The following EIF2B3 variants were observed in gnomAD, a reference collection of about 807,000 sequenced individuals.
EIF2B3 encodes the protein eukaryotic translation initiation factor 2B subunit gamma.
EIF2B3 carries 20 observed loss-of-function variants against 54.1 expected under a neutral mutation model. The ratio of observed to expected loss-of-function variants is 0.37; its 90% CI spans 0.26 to 0.54. EIF2B3 has a LOEUF of 0.54. Among genes scored for constraint, EIF2B3 ranks in the 20% least tolerant of loss-of-function variants. The probability of loss-of-function intolerance (pLI) is 0.86; values close to 1 mark genes in which losing one functional copy is unlikely to be tolerated. For synonymous variants in EIF2B3, 153 were observed against 188.1 expected (o/e 0.81, Z 1.52); for missense variants, 448 against 547.8 (o/e 0.82, Z 1.82).
At chr1:44,914,165 T>C (rs1643573416) in intron 5 of EIF2B3, among the ~76,000 whole-genome samples, 1 of 150,768 alleles carries the variant, frequency 6.6e-6, no homozygotes, top group Non-Finnish European at 1.5e-5. Context: ...TGGGAATTTT[T>C]TTTTTTTTTT....
chr1:44,885,798 G>A (rs372024948), intron 6 of EIF2B3, among the ~76,000 whole-genome samples: 1 of 151,458 alleles, frequency 6.6e-6, no homozygotes, highest in Admixed American at 6.6e-5. Flanking sequence ...GCAATGGCAC[G>A]ATCCTGGCTC....
chr1:44,871,386 T>C (rs1654960602), intron 10 of EIF2B3, among the ~76,000 whole-genome samples: 1 of 152,210 alleles, frequency 6.6e-6, no homozygotes, highest in Non-Finnish European at 1.5e-5. Context: ...GTAGCCCAAA[T>C]AATCTTCCTG....
intron 4 of EIF2B3, among the ~76,000 whole-genome samples, chr1:44,937,867 G>C (rs1472585158): frequency 9.3e-6 from 1 of 107,890 alleles, no homozygotes; most frequent in African/African-American, 3.6e-5. Flanking sequence ...CTGGGCGACA[G>C]AGCGAGACTC....
At chr1:44,910,652 TTTTTTA>T (rs1643495546) in intron 5 of EIF2B3, among the ~76,000 whole-genome samples, 1 of 122,356 alleles carries the variant, frequency 8.2e-6, no homozygotes, top group Non-Finnish European at 1.6e-5. Flanking sequence ...TTTTTTTTTT[TTTTTTA>T]AAAGAGAGAA....
At chr1:44,900,445 CAAAAAAAAAAAAA>C (rs34226720) in intron 5 of EIF2B3, among the ~76,000 whole-genome samples, 1 of 43,572 alleles carries the variant, frequency 2.3e-5, no homozygotes, top group South Asian at 9.8e-4. Context: ...AGAATCATCT[CAAAAAAAAAAAAA>C]AAAAAAAAAA....
intron 5 of EIF2B3, among the ~76,000 whole-genome samples, chr1:44,918,240 C>T (rs560443680): frequency 1.8e-4 from 28 of 151,618 alleles, no homozygotes; most frequent in Non-Finnish European, 2.6e-4. Context: ...TCCACCACCA[C>T]GCTCAAATAA....
intron 5 of EIF2B3, among the ~76,000 whole-genome samples, chr1:44,905,145 G>A (rs1026120160): frequency 3.3e-5 from 5 of 152,154 alleles, no homozygotes; most frequent in Non-Finnish European, 7.4e-5. Context: ...ATTCTCGATT[G>A]TTAGGAGTGC....
intron 3 of EIF2B3, among the ~76,000 whole-genome samples, chr1:44,977,744 G>A (rs1644467596): frequency 6.6e-6 from 1 of 152,120 alleles, no homozygotes; most frequent in African/African-American, 2.4e-5. Flanking sequence ...ACAGGCATAA[G>A]CCACTGTGCC....
chr1:44,944,527 T>C (rs574876232), intron 3 of EIF2B3, among the ~76,000 whole-genome samples: 2 of 150,068 alleles, frequency 1.3e-5, no homozygotes, highest in East Asian at 4.0e-4. Context: ...GCACAGTGTC[T>C]TGCACCTGTA....
chr1:44,981,629 G>T (rs1644514190), intron 1 of EIF2B3, among the ~76,000 whole-genome samples: 2 of 152,136 alleles, frequency 1.3e-5, no homozygotes, highest in African/African-American at 4.8e-5. Context: ...TCTGATGTGT[G>T]AATTTTTATT....
intron 4 of EIF2B3, among the ~76,000 whole-genome samples, chr1:44,930,852 G>C (rs1170138322): frequency 1.3e-5 from 2 of 152,148 alleles, no homozygotes; most frequent in Non-Finnish European, 2.9e-5. Flanking sequence ...TGTTGGCCAG[G>C]CTGGTCTCGA....
At chr1:44,917,686 C>G (rs776031324) in intron 5 of EIF2B3, among the ~76,000 whole-genome samples, 13 of 148,094 alleles carry the variant, frequency 8.8e-5, no homozygotes, top group Non-Finnish European at 1.0e-4. Context: ...ATTTTCTGTT[C>G]CCCAGATATG....
Position 44,972,296 on chromosome 1 carries a change from T to TAC in EIF2B3, c.294+6017_294+6018dup, listed in dbSNP as rs1313413708. Among the ~76,000 whole-genome samples the TAC allele has an allele frequency of 3.5e-4, 46 of 131,774 alleles. 1 individual carries two copies. Among genetic ancestry groups the TAC allele is most frequent in the South Asian group, 1.2e-3 (5 of 4,130 alleles). The allele number at this position is 131,774 out of a possible 152,430, so 86.4% of individuals were successfully genotyped here. A position where few individuals can be genotyped will look rare whatever the true frequency, so the allele number is the denominator to read the frequency against. Reference sequence around the variant, plus strand: ...ACACACACAAACACACACATGTATATACACACACACACATATATATATATA... The same window carrying TAC: ...ACACACACAAACACACACATGTATATACACACACACACACATATATATATATA... On this transcript the variant is annotated intron_variant, in intron 3 of 11. Coordinates refer to ENST00000360403, the MANE Select transcript of EIF2B3 (RefSeq NM_020365.5).
At chr1:44,913,367 C>T (rs1274755309) in intron 5 of EIF2B3, among the ~76,000 whole-genome samples, 1 of 152,024 alleles carries the variant, frequency 6.6e-6, no homozygotes. Flanking sequence ...TCAGCTATAT[C>T]CTGACCACTG....
intron 7 of EIF2B3, among the ~76,000 whole-genome samples, chr1:44,880,869 G>A (rs1040284125): frequency 2.6e-5 from 4 of 152,120 alleles, no homozygotes; most frequent in Admixed American, 2.0e-4. Flanking sequence ...GCTGAGGCAG[G>A]AGAATGGCGT....
intron 3 of EIF2B3, among the ~76,000 whole-genome samples, chr1:44,967,648 GA>G (rs1644357015): frequency 6.6e-6 from 1 of 150,784 alleles, no homozygotes; most frequent in Admixed American, 6.6e-5. Context: ...GCTGAGGCAG[GA>G]GAATCGCTTG....
chr1:44,888,493 C>T (rs1655681077), intron 6 of EIF2B3, among the ~76,000 whole-genome samples: 1 of 146,872 alleles, frequency 6.8e-6, no homozygotes, highest in African/African-American at 2.7e-5. Flanking sequence ...CTCTCTCTCT[C>T]TCTCTCTCTG....
intron 10 of EIF2B3, among the ~76,000 whole-genome samples, chr1:44,873,582 A>C (rs141424150): frequency 6.6e-6 from 1 of 152,144 alleles, no homozygotes; most frequent in African/African-American, 2.4e-5. Context: ...TTCATTTCTT[A>C]TACAGGTTAT....
At chr1:44,858,497 G>A (rs1421381670) in intron 10 of EIF2B3, among the ~76,000 whole-genome samples, 1 of 151,966 alleles carries the variant, frequency 6.6e-6, no homozygotes, top group Non-Finnish European at 1.5e-5. Flanking sequence ...CTTTGAGATA[G>A]GGTCTCGGAT....
Sources: gnomAD v4.1 joint callset for allele counts (sites outside exome capture counted in the v4.1 genomes callset) on GRCh38, gnomAD v4.1.1 for gene constraint, MANE v1.5 for transcripts, NCBI Gene and HGNC (gene_info 2026-07-23, HGNC 2026-07-21) for gene names.